BBOX1: variants seen among roughly 807,000 people sequenced by gnomAD.
BBOX1 encodes gamma-butyrobetaine dioxygenase.
In BBOX1, 35 loss-of-function variants were observed where a neutral mutation model predicts 41.6. The observed-to-expected ratio is 0.84, with a 90% confidence interval of 0.64 to 1.11. The LOEUF is 1.11. Ranked by LOEUF, BBOX1 falls within the 50% of genes most tolerant of loss-of-function variation. The pLI, the probability that BBOX1 is intolerant of heterozygous loss-of-function variation, is 0.00. For synonymous variants in BBOX1, 163 were observed against 154.7 expected (o/e 1.05, Z -0.40); for missense variants, 458 against 460.6 (o/e 0.99, Z 0.05).
rs572433586 is a variant in BBOX1 at position 27,051,561 on chromosome 11, T to C, written c.-38-3832T>C. 3.3e-5 allele frequency among the ~76,000 whole-genome samples: 5 copies of C among 152,136 alleles called. No individual in the cohort carries two copies. In the South Asian group the frequency reaches 8.3e-4, roughly 25 times the overall value. ...GATTCAGTCCTGGTAGGTTGTACAT[T>C]TCTAGGAATGAATTCATTTCTTCTA... On this transcript the variant is annotated intron_variant, in intron 2 of 8. Coordinates refer to ENST00000263182, the MANE Select transcript of BBOX1 (RefSeq NM_003986.3).
intron 5 of BBOX1, among the ~76,000 whole-genome samples, chr11:27,095,466 G>A (rs566190816): frequency 6.6e-6 from 1 of 151,994 alleles, no homozygotes; most frequent in East Asian, 1.9e-4. Flanking sequence ...AATACTAAAG[G>A]TCTGTTGTCA....
intron 2 of BBOX1, among the ~76,000 whole-genome samples, chr11:27,054,534 C>G (rs1392835156): frequency 6.6e-6 from 1 of 152,084 alleles, no homozygotes; most frequent in Non-Finnish European, 1.5e-5. Context: ...GTTGCTCAAG[C>G]ATAATACCAC....
At chr11:27,086,745 T>C (rs897854930) in intron 4 of BBOX1, among the ~76,000 whole-genome samples, 6 of 152,148 alleles carry the variant, frequency 3.9e-5, no homozygotes, top group Admixed American at 2.6e-4. Flanking sequence ...TTTCCTCTGA[T>C]GGCTGTGGGC....
At chr11:27,067,379 C>G (rs1857319563) in intron 4 of BBOX1, among the ~76,000 whole-genome samples, 1 of 151,994 alleles carries the variant, frequency 6.6e-6, no homozygotes, top group African/African-American at 2.4e-5. Flanking sequence ...TCTTCTCACG[C>G]TCCCACTTCT....
chr11:27,058,079 A>G (rs1857038173), intron 4 of BBOX1, among the ~76,000 whole-genome samples: 2 of 152,188 alleles, frequency 1.3e-5, no homozygotes, highest in South Asian at 4.1e-4. Context: ...TTCTCTGCCT[A>G]TTTTGAAGAT....
chr11:27,081,415 A>G (rs1857832081), intron 4 of BBOX1, among the ~76,000 whole-genome samples: 1 of 152,144 alleles, frequency 6.6e-6, no homozygotes. Flanking sequence ...ATAGTATTCT[A>G]TAGTGCATAT....
intron 4 of BBOX1, among the ~76,000 whole-genome samples, chr11:27,059,054 GC>G: frequency 6.6e-6 from 1 of 152,184 alleles, no homozygotes; most frequent in East Asian, 1.9e-4. Context: ...CTGCACAGCA[GC>G]CTCTCCCATC....
At chr11:27,105,636 C>T (rs1264529414) in intron 5 of BBOX1, among the ~76,000 whole-genome samples, 6 of 152,018 alleles carry the variant, frequency 3.9e-5, no homozygotes, top group East Asian at 3.9e-4. Context: ...CTGAAAGTGA[C>T]GGGGAGAATG....
intron 4 of BBOX1, among the ~76,000 whole-genome samples, chr11:27,087,187 A>G (rs1166563732): frequency 2.0e-5 from 3 of 152,106 alleles, no homozygotes; most frequent in Admixed American, 2.0e-4. Context: ...GATTTACCCA[A>G]ATTTTGAAAG....
intron 5 of BBOX1, 64 bp downstream of exon 5, chr11:27,093,430 G>A (rs1858322217): frequency 6.6e-7 from 1 of 1,511,164 alleles, no homozygotes. Flanking sequence ...TCCCAACTGA[G>A]GACGACCGCC....
In BBOX1 at chr11:27,051,410, T is replaced by C. The variant is rs538118732; in HGVS notation, c.-38-3983T>C. Among the ~76,000 whole-genome samples, 3 of 152,168 alleles carry C rather than the reference T, an allele frequency of 2.0e-5. No homozygotes were observed. The East Asian group carries it at 5.8e-4, about 29-fold the overall frequency. Reference sequence around the variant, plus strand: ...GGGAAAATTTGAGTAGAATTTGTGTTAATTCTTCTTTAATGTTTGGTGGAA... The same window carrying C: ...GGGAAAATTTGAGTAGAATTTGTGTCAATTCTTCTTTAATGTTTGGTGGAA... On this transcript the variant is annotated intron_variant, in intron 2 of 8. Coordinates refer to ENST00000263182, the MANE Select transcript of BBOX1 (RefSeq NM_003986.3).
At chr11:27,122,433 C>CT (rs1859498406) in intron 7 of BBOX1, among the ~76,000 whole-genome samples, 1 of 152,116 alleles carries the variant, frequency 6.6e-6, no homozygotes, top group Admixed American at 6.5e-5. Context: ...ATGGAAGCCC[C>CT]TACTATTGTG....
At chr11:27,061,967 G>A (rs1469199526) in intron 4 of BBOX1, among the ~76,000 whole-genome samples, 2 of 152,162 alleles carry the variant, frequency 1.3e-5, no homozygotes, top group African/African-American at 4.8e-5. Context: ...CAATAGCCAT[G>A]AGAAAATAAG....
intron 5 of BBOX1, among the ~76,000 whole-genome samples, chr11:27,113,512 A>G (rs1859153023): frequency 1.3e-5 from 2 of 151,866 alleles, no homozygotes; most frequent in African/African-American, 2.4e-5. Context: ...AGCACCATGG[A>G]TGGAGCCAGA....
chr11:27,056,098 T>C (rs11029811), intron 3 of BBOX1, among the ~76,000 whole-genome samples: 40,726 of 152,022 alleles, frequency 0.27, 6,727 homozygotes, highest in East Asian at 0.45. Context: ...TGTTTACTCT[T>C]ACATTTCTCA....
At chr11:27,070,706 ATTTTTTT>A (rs58041903) in intron 4 of BBOX1, among the ~76,000 whole-genome samples, 2,591 of 133,718 alleles carry the variant, frequency 0.019, 81 homozygotes, top group African/African-American at 0.07. Flanking sequence ...TTTGTGATTG[ATTTTTTT>A]TTTTTTTTTT....
At chr11:27,096,948 G>A (rs1858460183) in intron 5 of BBOX1, among the ~76,000 whole-genome samples, 1 of 151,938 alleles carries the variant, frequency 6.6e-6, no homozygotes, top group Non-Finnish European at 1.5e-5. Flanking sequence ...TCAGATGCTT[G>A]TCATTATTTT....
chr11:27,126,310 T>C (rs1390051816), intron 8 of BBOX1, among the ~76,000 whole-genome samples: 4 of 152,202 alleles, frequency 2.6e-5, no homozygotes, highest in African/African-American at 9.6e-5. Context: ...TTTTAATTGA[T>C]CTTTGGTATA....
intron 2 of BBOX1, chr11:27,055,095 A>G (rs1856938823): frequency 4.9e-6 from 1 of 204,816 alleles, no homozygotes; most frequent in South Asian, 1.2e-4. Flanking sequence ...ATTAAAGTGC[A>G]TATGTCATTG....
Sources: allele counts gnomAD v4.1 joint callset (sites outside exome capture counted in the v4.1 genomes callset), GRCh38; gene constraint gnomAD v4.1.1; transcripts MANE v1.5; gene names NCBI Gene and HGNC (gene_info 2026-07-23, HGNC 2026-07-21).